The following ATF3 variants were observed in gnomAD, a reference collection of about 807,000 sequenced individuals.
The protein encoded by ATF3 is cyclic AMP-dependent transcription factor ATF-3.
A neutral mutation model predicts 18.4 loss-of-function variants in ATF3; 10 were observed. The observed-to-expected ratio is 0.54, with a 90% CI of 0.34 to 0.92. The LOEUF is 0.92. ATF3 is among the 40% of genes least tolerant of loss of function. The pLI is 0.02. For missense variants in ATF3, 183 were observed against 222.3 expected (o/e 0.82, Z 1.12); for synonymous variants, 78 against 87.9 (o/e 0.89, Z 0.63).
chr1:212,594,321 C>A (rs1412700737), intron 1 of ATF3, among the ~76,000 whole-genome samples: 2 of 152,116 alleles, frequency 1.3e-5, no homozygotes, highest in Non-Finnish European at 2.9e-5. Flanking sequence ...AACTTTCTAG[C>A]TGGGATTCAT....
In ATF3 at chr1:212,619,242, C is replaced by G; in HGVS notation, c.349-116C>G. On this transcript the variant is annotated intron_variant, in intron 3 of 3. Transcript: ENST00000341491. This position sits in a 1 kb window ranked among gnomAD's most constrained non-coding sequence, Gnocchi z 4.4. ...CCCATCTCCCATCTTCCTCTCGCAG[C>G]TTGATGAGCCCCGGTGTGTCCCAGG... 1 of 1,610,630 alleles carries G rather than the reference C, an allele frequency of 6.2e-7. No individual in the cohort carries two copies. Among genetic ancestry groups the G allele is most frequent in the Non-Finnish European group, 8.5e-7 (1 of 1,179,234 alleles).
chr1:212,576,985 C>T (rs1041400190), intron 1 of ATF3, among the ~76,000 whole-genome samples: 2 of 151,976 alleles, frequency 1.3e-5, no homozygotes, highest in South Asian at 2.1e-4. Context: ...CCCGCCTTGG[C>T]CTCCCAAAGT....
chr1:212,611,194 A>G lies in ATF3; in HGVS notation c.-5+2264A>G, dbSNP rs537616214. Among the ~76,000 whole-genome samples, 22 of 152,364 alleles carry G rather than the reference A, an allele frequency of 1.4e-4. 1 individual carries two copies. In the South Asian group the frequency reaches 4.6e-3, roughly 32 times the overall value. On this transcript the variant is annotated intron_variant, in intron 1 of 3. Coordinates refer to ENST00000341491, the MANE Select transcript of ATF3 (RefSeq NM_001674.4). ...AAATATGTAATGCAGAAATGCTGGC[A>G]TCAGCAAATAGTGGGGTGAAACCTA...
At chr1:212,570,418 C>T (rs1381403074) in intron 1 of ATF3, among the ~76,000 whole-genome samples, 2 of 152,096 alleles carry the variant, frequency 1.3e-5, no homozygotes, top group East Asian at 1.9e-4. Context: ...TGACAAATGA[C>T]AGATGCATAT....
intron 1 of ATF3, among the ~76,000 whole-genome samples, chr1:212,611,251 A>G (rs893092690): frequency 6.6e-6 from 1 of 152,232 alleles, no homozygotes; most frequent in African/African-American, 2.4e-5. Context: ...GGTCAATGAG[A>G]GTACAAAAGA....
intron 1 of ATF3, among the ~76,000 whole-genome samples, chr1:212,578,583 G>A (rs1664624571): frequency 6.6e-6 from 1 of 152,014 alleles, no homozygotes. Context: ...TCATTTCTGA[G>A]GTTTTTTTTA....
intron 1 of ATF3, among the ~76,000 whole-genome samples, chr1:212,571,273 A>G (rs1029516190): frequency 2.6e-5 from 4 of 152,036 alleles, no homozygotes; most frequent in African/African-American, 4.8e-5. Flanking sequence ...ATGTGTATGT[A>G]TTTTACATCT....
upstream of ATF3, among the ~76,000 whole-genome samples, chr1:212,607,338 G>T (rs922579477): frequency 1.3e-5 from 2 of 152,200 alleles, no homozygotes; most frequent in Non-Finnish European, 2.9e-5. Context: ...CTGCGGCCGC[G>T]CAGGTCTCCC....
intron 1 of ATF3, among the ~76,000 whole-genome samples, chr1:212,566,651 T>C (rs1186066825): frequency 6.6e-6 from 1 of 152,146 alleles, no homozygotes; most frequent in African/African-American, 2.4e-5. Context: ...TTCCTGTTCC[T>C]TTCCCAGCAG....
At chr1:212,573,671 A>G (rs1008367275) in intron 1 of ATF3, among the ~76,000 whole-genome samples, 1 of 151,678 alleles carries the variant, frequency 6.6e-6, no homozygotes, top group African/African-American at 2.4e-5. Flanking sequence ...GAATTGAAAG[A>G]TTTTTTTCCT....
intron 1 of ATF3, among the ~76,000 whole-genome samples, chr1:212,574,596 C>T (rs1664541190): frequency 6.6e-6 from 1 of 151,936 alleles, no homozygotes; most frequent in African/African-American, 2.4e-5. Context: ...AATATTTCTG[C>T]ACTTGATGAT....
intron 1 of ATF3, among the ~76,000 whole-genome samples, chr1:212,597,005 G>A (rs367631185): frequency 7.2e-5 from 11 of 152,350 alleles, no homozygotes; most frequent in East Asian, 3.8e-4. Context: ...CATACACGAG[G>A]AATGAGTGTA....
At chr1:212,594,731 G>T (rs980843506) in intron 1 of ATF3, among the ~76,000 whole-genome samples, 1 of 152,198 alleles carries the variant, frequency 6.6e-6, no homozygotes, top group African/African-American at 2.4e-5. Flanking sequence ...GAAGCGCCCC[G>T]CCTGATCCCT....
chr1:212,603,774 A>ATG (rs200683844), upstream of ATF3, among the ~76,000 whole-genome samples: 1,595 of 81,910 alleles, frequency 0.019, 17 homozygotes, highest in Non-Finnish European at 0.028. Context: ...GTGTGTATAT[A>ATG]TATGTGTGTG....
chr1:212,615,930 C>CAGGGATG (rs1655103964), intron 2 of ATF3, among the ~76,000 whole-genome samples: 1 of 151,418 alleles, frequency 6.6e-6, no homozygotes. Context: ...ACTGGGATCA[C>CAGGGATG]AGGGATGAGC....
intron 1 of ATF3, among the ~76,000 whole-genome samples, chr1:212,568,809 AAC>A (rs1424401754): frequency 6.6e-6 from 1 of 152,182 alleles, no homozygotes; most frequent in African/African-American, 2.4e-5. Context: ...TTGCCTGTCC[AAC>A]ACAGTCATAA....
intron 1 of ATF3, among the ~76,000 whole-genome samples, chr1:212,578,645 T>G (rs1026175532): frequency 6.6e-6 from 1 of 152,244 alleles, no homozygotes; most frequent in Admixed American, 6.5e-5. Flanking sequence ...TCCTGACTAT[T>G]CACTTTGTTG....
In ATF3 at chr1:212,619,042, C is replaced by T. The variant is rs375790706; in HGVS notation, c.349-316C>T. On this transcript the variant is annotated intron_variant, in intron 3 of 3. Coordinates refer to ENST00000341491, the MANE Select transcript of ATF3 (RefSeq NM_001674.4). This position sits in a 1 kb window ranked among gnomAD's most constrained non-coding sequence, Gnocchi z 4.4. ...AGCCACCATAAGTCTGGATTTCTCC[C>T]CAGCTCCCAAGGCCCTTTTGGGTCC... is the stretch of plus-strand genomic sequence containing the variant. The T allele has an allele frequency of 9.5e-5, 154 of 1,614,010 alleles. No homozygotes were observed. Among genetic ancestry groups the T allele is most frequent in the Non-Finnish European group, 1.1e-4 (133 of 1,180,018 alleles).
chr1:212,594,889 T>G (rs1664959830), intron 1 of ATF3, among the ~76,000 whole-genome samples: 1 of 152,190 alleles, frequency 6.6e-6, no homozygotes, highest in African/African-American at 2.4e-5. Flanking sequence ...ATTGGCTGAT[T>G]GCCTGGCCAC....
Sources: allele counts gnomAD v4.1 joint callset (sites outside exome capture counted in the v4.1 genomes callset), GRCh38; gene constraint gnomAD v4.1.1; non-coding constraint Gnocchi (gnomAD v3.1); transcripts MANE v1.5; gene names NCBI Gene and HGNC (gene_info 2026-07-23, HGNC 2026-07-21).